ME3: variants seen among roughly 807,000 people sequenced by gnomAD.
The protein encoded by ME3 is malic enzyme 3.
Under a neutral mutation model 68.9 loss-of-function variants are expected in ME3, and 48 were observed. That is an observed-to-expected ratio of 0.70 (90% CI 0.55 to 0.89). ME3 has a LOEUF of 0.89. Among genes scored for constraint, ME3 ranks in the 40% least tolerant of loss-of-function variants. The pLI is 0.00. For missense variants in ME3, 675 were observed against 797.4 expected, an observed-to-expected ratio of 0.85 and a Z score of 1.85; for synonymous variants, 320 against 318.8, an observed-to-expected ratio of 1.00 and a Z score of -0.04.
chr11:86,651,393 A>G (rs1279471151), intron 2 of ME3, among the ~76,000 whole-genome samples: 1 of 152,192 alleles, frequency 6.6e-6, no homozygotes, highest in Non-Finnish European at 1.5e-5. Flanking sequence ...CTCTGAGACA[A>G]AACTTCCAGA....
intron 13 of ME3, among the ~76,000 whole-genome samples, chr11:86,444,235 C>CAAAT (rs1300639722): frequency 2.0e-5 from 3 of 152,092 alleles, no homozygotes; most frequent in Non-Finnish European, 4.4e-5. Flanking sequence ...ATGGCCCATG[C>CAAAT]AAATGCTGGG....
intron 8 of ME3, among the ~76,000 whole-genome samples, chr11:86,453,862 A>G (rs1418303747): frequency 2.0e-5 from 3 of 152,182 alleles, no homozygotes; most frequent in Non-Finnish European, 4.4e-5. Flanking sequence ...AGTGACACCA[A>G]CGCCACTAAC....
Position 86,593,654 on chromosome 11 carries a change from G to A in ME3, c.184-33831C>T, listed in dbSNP as rs115473929. 2.7e-3 allele frequency among the ~76,000 whole-genome samples: 389 copies of A among 146,410 alleles called. 39 individuals carry two copies. Among genetic ancestry groups the A allele is most frequent in the African/African-American group, 9.0e-3 (359 of 39,828 alleles). The stretch of plus-strand genomic sequence containing the variant: ...CCACACCTTATTTTCATCACCCAGA[G>A]ATAGCCACTGTATCATTTTGTTCTA... On this transcript the variant is annotated intron_variant, in intron 2 of 14. Coordinates refer to ENST00000543262, the Ensembl canonical transcript of ME3.
chr11:86,448,338 C>A lies in ME3; in HGVS notation c.1132-83G>T, dbSNP rs867216197. The A allele has an allele frequency of 3.9e-6, 4 of 1,014,040 alleles. No homozygotes were observed. In the East Asian group the frequency reaches 9.5e-5, roughly 24 times the overall value. The allele number at this position is 1,014,040 out of a possible 1,614,324, so 62.8% of individuals were successfully genotyped here. On this transcript the variant is annotated intron_variant, in intron 10 of 14. Coordinates refer to ENST00000543262, the Ensembl canonical transcript of ME3. ...CAGATGCATTTGGAAACTCTGAGAGCGTTTCCTGCTGAGCCCCATGCTTTG... is the reference window on the plus strand; with the variant it reads ...CAGATGCATTTGGAAACTCTGAGAGAGTTTCCTGCTGAGCCCCATGCTTTG...
chr11:86,585,523 G>C (rs936021598), intron 2 of ME3, among the ~76,000 whole-genome samples: 3 of 152,178 alleles, frequency 2.0e-5, no homozygotes, highest in Non-Finnish European at 4.4e-5. Flanking sequence ...ACTGAAATGG[G>C]ACACTAATGA....
chr11:86,519,752 CAT>C (rs774844649), intron 4 of ME3, among the ~76,000 whole-genome samples: 9 of 152,224 alleles, frequency 5.9e-5, no homozygotes, highest in Non-Finnish European at 1.3e-4. Context: ...AGCAAGAAAA[CAT>C]AGCTAGGTCT....
At chr11:86,616,191 AT>A (rs1942945666) in intron 2 of ME3, among the ~76,000 whole-genome samples, 1 of 152,212 alleles carries the variant, frequency 6.6e-6, no homozygotes, top group Non-Finnish European at 1.5e-5. Flanking sequence ...ATATGCCATA[AT>A]TTACTTAACT....
rs138871212 is a variant in ME3, at chr11:86,516,351, ATC to A, written c.468-7486_468-7485del. Among the ~76,000 whole-genome samples the A allele has an allele frequency of 4.7e-3, 635 of 134,130 alleles. 3 individuals are homozygous for A. Among genetic ancestry groups the A allele is most frequent in the Admixed American group, 5.0e-3 (66 of 13,276 alleles). 88.0% of individuals were successfully genotyped at this position (134,130 alleles called of 152,430 possible). ...TCCTGAAAAGTTGTGAGTAAATAAA[ATC>A]TCTCTCTCTCTCTCTCTTTGTGTGT... On this transcript the variant is annotated intron_variant, in intron 4 of 14. Transcript: ENST00000543262.
downstream of ME3, among the ~76,000 whole-genome samples, chr11:86,437,823 G>T (rs1395243718): frequency 6.6e-6 from 1 of 151,326 alleles, no homozygotes. Flanking sequence ...TAATTTATTA[G>T]TTCCAGTAGA....
chr11:86,670,980 T>C (rs904721684), intron 2 of ME3, among the ~76,000 whole-genome samples: 3 of 152,156 alleles, frequency 2.0e-5, no homozygotes, highest in African/African-American at 7.2e-5. Context: ...CAGGACTAAA[T>C]CTGTCCTTGC....
At chr11:86,516,292 A>G (rs1209255467) in intron 4 of ME3, among the ~76,000 whole-genome samples, 1 of 152,194 alleles carries the variant, frequency 6.6e-6, no homozygotes, top group African/African-American at 2.4e-5. Flanking sequence ...GTTTAAACAA[A>G]TAGATGTCTT....
At chr11:86,671,440 T>A (rs540151667) in intron 2 of ME3, among the ~76,000 whole-genome samples, 69 of 152,358 alleles carry the variant, frequency 4.5e-4, no homozygotes, top group African/African-American at 1.6e-3. Flanking sequence ...TTAAATGAAC[T>A]GCCCAAGACC....
At chr11:86,559,648 A>G (rs1957103400) in intron 3 of ME3, 42 bp downstream of exon 3, 2 of 1,573,764 alleles carry the variant, frequency 1.3e-6, no homozygotes, top group Non-Finnish European at 8.7e-7. Context: ...CAGACAGCTC[A>G]GCCCAAGGAC....
intron 2 of ME3, among the ~76,000 whole-genome samples, chr11:86,638,820 G>C (rs1433825306): frequency 6.6e-6 from 1 of 152,202 alleles, no homozygotes; most frequent in Non-Finnish European, 1.5e-5. Context: ...GTAAGTGGCA[G>C]GGTCAGGATG....
downstream of ME3, chr11:86,437,375 T>C (rs1948903817): frequency 6.6e-6 from 1 of 152,154 alleles, no homozygotes. Flanking sequence ...GCCTTGATCA[T>C]TGTATATTTA....
intron 4 of ME3, among the ~76,000 whole-genome samples, chr11:86,536,680 T>C (rs1357501758): frequency 2.0e-5 from 3 of 147,262 alleles, no homozygotes; most frequent in Non-Finnish European, 4.5e-5. Flanking sequence ...ACTTTTACAC[T>C]GTTGGTGGGA....
intron 2 of ME3, among the ~76,000 whole-genome samples, chr11:86,615,969 G>A (rs1045493047): frequency 6.6e-6 from 1 of 152,106 alleles, no homozygotes; most frequent in Non-Finnish European, 1.5e-5. Flanking sequence ...TAAGCAGAAG[G>A]AAGTAAAACT....
rs148138328 is a variant in ME3, at chr11:86,624,089, G to A, written c.183+47673C>T. On this transcript the variant is annotated intron_variant, in intron 2 of 14. Transcript: ENST00000543262. ...CAGGATTTTATACCTCTTTGAGGTC[G>A]GAAGTTTAATATAAACTTTGGGAGC... 1.1e-3 allele frequency among the ~76,000 whole-genome samples: 172 copies of A among 152,200 alleles called. 1 individual carries two copies. Among genetic ancestry groups the A allele is most frequent in the African/African-American group, 3.9e-3 (162 of 41,524 alleles).
chr11:86,605,856 A>C (rs1243184770), intron 2 of ME3, among the ~76,000 whole-genome samples: 1 of 151,762 alleles, frequency 6.6e-6, no homozygotes, highest in Admixed American at 6.6e-5. Flanking sequence ...TTTTTTTTCC[A>C]CTTTAAACCC....
Sources: allele counts gnomAD v4.1 joint callset (sites outside exome capture counted in the v4.1 genomes callset), GRCh38; gene constraint gnomAD v4.1.1; transcripts MANE v1.5; gene names NCBI Gene and HGNC (gene_info 2026-07-23, HGNC 2026-07-21).